RSF1: variants seen among roughly 807,000 people sequenced by gnomAD.
The protein encoded by RSF1 is remodeling and spacing factor 1, also known as HBV pX-associated protein 8.
In RSF1, 13 loss-of-function variants were observed where a neutral mutation model predicts 145.2. That is an observed-to-expected ratio of 0.09 (90% confidence interval 0.06 to 0.14). The LOEUF (loss-of-function observed/expected upper bound fraction) is 0.14. Among genes scored for constraint, RSF1 ranks in the 10% least tolerant of loss-of-function variants. The pLI, the probability that RSF1 is intolerant of heterozygous loss-of-function variation, is 1.00. For synonymous variants in RSF1, 577 were observed against 592.6 expected (o/e 0.97, Z 0.38); for missense variants, 1,517 against 1,718.2 (o/e 0.88, Z 2.07).
At chr11:77,867,078 TA>T in the RSF1 span, among the ~76,000 whole-genome samples, 1 of 152,152 alleles carries the variant, frequency 6.6e-6, no homozygotes, top group Non-Finnish European at 1.5e-5. Flanking sequence ...TGACCTCAGG[TA>T]ATCCTCCCTC....
chr11:77,759,074 T>G (rs1017933569), intron 2 of RSF1, among the ~76,000 whole-genome samples: 1 of 152,222 alleles, frequency 6.6e-6, no homozygotes, highest in Non-Finnish European at 1.5e-5. Context: ...GTTTCATGAT[T>G]TAGCCCTTAT....
At chr11:77,870,607 G>T in the RSF1 span, among the ~76,000 whole-genome samples, 2 of 152,064 alleles carry the variant, frequency 1.3e-5, no homozygotes, top group Non-Finnish European at 2.9e-5. Flanking sequence ...AAAGTGTTGG[G>T]ATTACGGGTG....
intron 8 of RSF1, among the ~76,000 whole-genome samples, chr11:77,692,242 T>TTTTC (rs1165252900): frequency 3.5e-5 from 2 of 57,700 alleles, no homozygotes; most frequent in Non-Finnish European, 5.9e-5. Flanking sequence ...AATTTTTTTT[T>TTTTC]TTTTTTTTTT....
chr11:77,807,195 T>C (rs1329399676), intron 1 of RSF1, among the ~76,000 whole-genome samples: 1 of 152,228 alleles, frequency 6.6e-6, no homozygotes, highest in East Asian at 1.9e-4. Context: ...CAATTTCCCA[T>C]ACATGCCACA....
chr11:77,666,913 A>AGTC lies in RSF1; in HGVS notation c.*1_*3dup, dbSNP rs757678236. The AGTC allele has an allele frequency of 6.7e-7, 1 of 1,501,618 alleles. No homozygotes were observed. Among genetic ancestry groups the AGTC allele is most frequent in the African/African-American group, 1.4e-5 (1 of 71,790 alleles). The allele number at this position is 1,501,618 out of a possible 1,614,324, so 93.0% of individuals were successfully genotyped here. On this transcript the variant is annotated 3_prime_UTR_variant, in exon 16 of 16. Transcript: ENST00000308488. ...TAAATTAGCACAAAAATGGAAAAAAAGTCTTATAACTGTTCACTGTTACAG... is the reference window on the plus strand; with the variant it reads ...TAAATTAGCACAAAAATGGAAAAAAAGTCGTCTTATAACTGTTCACTGTTACAG...
At chr11:77,692,081 G>C (rs1028281884) in intron 8 of RSF1, among the ~76,000 whole-genome samples, 5 of 151,900 alleles carry the variant, frequency 3.3e-5, no homozygotes, top group African/African-American at 1.2e-4. Context: ...AGTAGAGATG[G>C]GATATCGTCA....
intron 5 of RSF1, among the ~76,000 whole-genome samples, chr11:77,706,232 T>A (rs1352050956): frequency 2.2e-5 from 3 of 138,280 alleles, no homozygotes; most frequent in Non-Finnish European, 4.6e-5. Flanking sequence ...AGAGTGAGAC[T>A]CTGTCTCCAA....
upstream of RSF1, among the ~76,000 whole-genome samples, chr11:77,823,080 G>A (rs888674397): frequency 1.3e-5 from 2 of 151,914 alleles, no homozygotes; most frequent in African/African-American, 4.8e-5. Flanking sequence ...CGGGCGTGGT[G>A]GCGGCGGGCC....
chr11:77,757,736 A>G (rs1341905622), intron 2 of RSF1, among the ~76,000 whole-genome samples: 1 of 152,206 alleles, frequency 6.6e-6, no homozygotes, highest in Admixed American at 6.5e-5. Context: ...CAGGACAGAT[A>G]GGAGCACAGA....
At chr11:77,823,790 T>C (rs1949047576), upstream of RSF1, among the ~76,000 whole-genome samples, 1 of 152,108 alleles carries the variant, frequency 6.6e-6, no homozygotes. Context: ...GGAATTTCTA[T>C]GGAAAGAACC....
rs372390819 is a variant in RSF1 at position 77,738,459 on chromosome 11, C to G, written c.578+2272G>C. Among the ~76,000 whole-genome samples the G allele has an allele frequency of 2.4e-4, 37 of 152,226 alleles. No individual in the cohort carries two copies. In the Middle Eastern group the frequency reaches 0.014, roughly 56 times the overall value. On this transcript the variant is annotated intron_variant, in intron 4 of 15. Coordinates refer to ENST00000308488, the MANE Select transcript of RSF1 (RefSeq NM_016578.4). ...TAAGTATTATAAGTATATGGGAGGA[C>G]GTGCATAGGTTATACACAAATATTA...
Position 77,666,792 on chromosome 11 carries a change from A to C in RSF1, c.*125T>G. ...ACAGAAAGACTTCAGGATTTGTTGA[A>C]ATTTTTCTTCTAAAAGTCATTCTGT... On this transcript the variant is annotated 3_prime_UTR_variant, in exon 16 of 16. Transcript: ENST00000308488. 1 of 697,676 alleles carries C rather than the reference A, an allele frequency of 1.4e-6. No individual in the cohort carries two copies. The highest frequency in any genetic ancestry group is 2.2e-6 in the Non-Finnish European group (1 of 453,372). 43.2% of individuals were successfully genotyped at this position (697,676 alleles called of 1,614,324 possible). A position where few individuals can be genotyped will look rare whatever the true frequency, so the allele number is the denominator to read the frequency against.
chr11:77,833,009 ATT>A, the RSF1 span, among the ~76,000 whole-genome samples: 22 of 60,020 alleles, frequency 3.7e-4, 1 homozygote, highest in South Asian at 1.6e-3. Flanking sequence ...ATATATATAT[ATT>A]TTTTTTTTTT....
intron 1 of RSF1, among the ~76,000 whole-genome samples, chr11:77,779,307 A>C (rs774552929): frequency 5.3e-5 from 8 of 152,124 alleles, no homozygotes; most frequent in Non-Finnish European, 8.8e-5. Flanking sequence ...TCCTGAGCTC[A>C]AGCGATCCTA....
intron 1 of RSF1, among the ~76,000 whole-genome samples, chr11:77,769,626 A>G (rs547053169): frequency 6.6e-6 from 1 of 152,324 alleles, no homozygotes; most frequent in South Asian, 2.1e-4. Context: ...GGAATCCCAG[A>G]CTACATTACT....
the RSF1 span, chr11:77,841,268 A>G: frequency 1.4e-6 from 1 of 702,100 alleles, no homozygotes; most frequent in Non-Finnish European, 2.6e-6. Context: ...AAATTTAAAC[A>G]TGAGTTTGGA....
chr11:77,706,957 G>A (rs1960566757), intron 5 of RSF1, among the ~76,000 whole-genome samples: 1 of 152,076 alleles, frequency 6.6e-6, no homozygotes, highest in Non-Finnish European at 1.5e-5. Context: ...CTCAATGTTT[G>A]CCAATATTAT....
At chr11:77,807,495 AAGG>A (rs1948688666) in intron 1 of RSF1, among the ~76,000 whole-genome samples, 1 of 152,240 alleles carries the variant, frequency 6.6e-6, no homozygotes, top group South Asian at 2.1e-4. Flanking sequence ...TCAAAGACAC[AAGG>A]AGGTTAAAAG....
In RSF1 at chr11:77,755,529, C is replaced by A. The variant is rs538527247; in HGVS notation, c.280-8401G>T. 3.3e-5 allele frequency among the ~76,000 whole-genome samples: 5 copies of A among 152,202 alleles called. No individual in the cohort carries two copies. In the South Asian group the frequency reaches 1.0e-3, roughly 32 times the overall value. ...GTGTTGCTGAAAGTCATTCAGAGAT[C>A]TTCTGACTGGGTCACATTGTCTTTA... is the stretch of plus-strand genomic sequence containing the variant. On this transcript the variant is annotated intron_variant, in intron 2 of 15. Coordinates refer to ENST00000308488, the MANE Select transcript of RSF1 (RefSeq NM_016578.4).
Sources: allele counts gnomAD v4.1 joint callset (sites outside exome capture counted in the v4.1 genomes callset), GRCh38; gene constraint gnomAD v4.1.1; transcripts MANE v1.5; gene names NCBI Gene and HGNC (gene_info 2026-07-23, HGNC 2026-07-21).